The following ITGAE variants were observed in gnomAD, a reference collection of about 807,000 sequenced individuals.
ITGAE encodes the protein integrin alpha-E.
ITGAE carries 99 observed loss-of-function variants against 136.5 expected under a neutral mutation model. The ratio of observed to expected loss-of-function variants is 0.73; its 90% CI spans 0.62 to 0.86. The LOEUF (loss-of-function observed/expected upper bound fraction) is 0.86, where lower values mean the gene tolerates loss of function less well. Among genes scored for constraint, ITGAE ranks in the 40% least tolerant of loss-of-function variants. The probability of loss-of-function intolerance (pLI) is 0.00; values close to 1 mark genes in which losing one functional copy is unlikely to be tolerated. For synonymous variants in ITGAE, 613 were observed against 591.8 expected (o/e 1.04, Z -0.52); for missense variants, 1,447 against 1,515.3 (o/e 0.95, Z 0.75).
At chr17:3,754,201 C>T (rs888170831) in intron 12 of ITGAE, among the ~76,000 whole-genome samples, 1 of 152,206 alleles carries the variant, frequency 6.6e-6, no homozygotes, top group African/African-American at 2.4e-5. Flanking sequence ...ACTACCCACG[C>T]TCCCACACAC....
At chr17:3,738,439 G>T (rs886334907) in intron 20 of ITGAE, among the ~76,000 whole-genome samples, 2 of 152,286 alleles carry the variant, frequency 1.3e-5, no homozygotes, top group Admixed American at 6.5e-5. Context: ...AAAGTGCTGG[G>T]ATTACAGGCA....
chr17:3,745,486 C>A (rs965934669), intron 18 of ITGAE, among the ~76,000 whole-genome samples: 4 of 152,074 alleles, frequency 2.6e-5, no homozygotes, highest in Non-Finnish European at 5.9e-5. Context: ...GGATTACAGG[C>A]ACCCGCCATC....
chr17:3,765,815 G>A (rs187837845), intron 2 of ITGAE, among the ~76,000 whole-genome samples: 23 of 152,212 alleles, frequency 1.5e-4, no homozygotes, highest in African/African-American at 5.5e-4. Context: ...AGGATCTGGG[G>A]GCTGGGTCAC....
chr17:3,722,167 TGAAAGAAAG>T (rs574133928), intron 28 of ITGAE, among the ~76,000 whole-genome samples: 38 of 131,398 alleles, frequency 2.9e-4, no homozygotes, highest in African/African-American at 9.7e-4. Flanking sequence ...AACTCCGTCT[TGAAAGAAAG>T]AAAAGAAAAG....
At chr17:3,772,031 T>C (rs1165514764) in intron 2 of ITGAE, among the ~76,000 whole-genome samples, 1 of 152,206 alleles carries the variant, frequency 6.6e-6, no homozygotes, top group African/African-American at 2.4e-5. Context: ...CCCAGCTTAC[T>C]TTTCATCACT....
In ITGAE at chr17:3,800,970, T is replaced by C. The variant is rs2053244701; in HGVS notation, c.34+141A>G. 8.2e-6 allele frequency: 8 copies of C among 978,540 alleles called. No homozygotes were observed. In the South Asian group the frequency reaches 1.2e-4, roughly 14 times the overall value. The allele number at this position is 978,540 out of a possible 1,614,324, so 60.6% of individuals were successfully genotyped here. ...CCCTGACCCACCGAGCAAGACTCCT[T>C]TCCTGGAGGAGCTGCCACTCTCTAA... On this transcript the variant is annotated intron_variant, in intron 1 of 30. Coordinates refer to ENST00000263087, the MANE Select transcript of ITGAE (RefSeq NM_002208.5).
chr17:3,761,865 G>C lies in ITGAE; in HGVS notation c.315+50C>G, dbSNP rs960412788. On this transcript the variant is annotated intron_variant, in intron 4 of 30. Transcript: ENST00000263087. ...CTCAACACCAGGGTCAACCACGAGGGCTAGCACCAGCCTCCCTAAGGCCCT... is the reference window on the plus strand; with the variant it reads ...CTCAACACCAGGGTCAACCACGAGGCCTAGCACCAGCCTCCCTAAGGCCCT... 82 of 1,511,150 alleles carry C rather than the reference G, an allele frequency of 5.4e-5. No individual in the cohort carries two copies. In the East Asian group the frequency reaches 1.8e-3, roughly 33 times the overall value. 93.6% of individuals were successfully genotyped at this position (1,511,150 alleles called of 1,614,324 possible).
intron 20 of ITGAE, chr17:3,738,889 G>C (rs539830687): frequency 6.6e-6 from 1 of 152,290 alleles, no homozygotes; most frequent in Non-Finnish European, 1.5e-5. Context: ...AGCAAGTGCC[G>C]CTTCTCTTCT....
At chr17:3,726,920 G>C (rs1233836258) in intron 26 of ITGAE, among the ~76,000 whole-genome samples, 3 of 151,712 alleles carry the variant, frequency 2.0e-5, no homozygotes, top group Non-Finnish European at 4.4e-5. Flanking sequence ...GTAGAGATGG[G>C]GGTTTCACCA....
chr17:3,737,072 C>G (rs1005525764), intron 20 of ITGAE, among the ~76,000 whole-genome samples: 2 of 152,032 alleles, frequency 1.3e-5, no homozygotes, highest in African/African-American at 4.8e-5. Context: ...GCAGGTGGAT[C>G]ACTTGAGGCC....
At chr17:3,732,268 G>T (rs577394777) in intron 22 of ITGAE, 100 bp downstream of exon 22, 2 of 919,054 alleles carry the variant, frequency 2.2e-6, no homozygotes, top group Non-Finnish European at 3.6e-6. Flanking sequence ...GCAGTCAAGC[G>T]AAGCGCAAAG....
intron 16 of ITGAE, among the ~76,000 whole-genome samples, 183 bp from the exon 17 acceptor site, chr17:3,748,235 A>G (rs1230066756): frequency 6.6e-6 from 1 of 152,246 alleles, no homozygotes; most frequent in Non-Finnish European, 1.5e-5. Flanking sequence ...GCAGACAACA[A>G]GCAAATAAAC....
At chr17:3,726,152 T>C (rs760804383) in intron 26 of ITGAE, 9 of 1,614,108 alleles carry the variant, frequency 5.6e-6, no homozygotes, top group South Asian at 3.3e-5. Flanking sequence ...ATCACCCTTA[T>C]AGTAATGTGC....
intron 3 of ITGAE, among the ~76,000 whole-genome samples, chr17:3,763,036 G>A (rs1384441262): frequency 6.6e-6 from 1 of 152,064 alleles, no homozygotes; most frequent in East Asian, 1.9e-4. Flanking sequence ...GGGATTGTAG[G>A]CATGCACCAC....
intron 2 of ITGAE, among the ~76,000 whole-genome samples, chr17:3,768,437 C>T (rs1388389027): frequency 6.6e-6 from 1 of 152,200 alleles, no homozygotes; most frequent in Non-Finnish European, 1.5e-5. Flanking sequence ...GCATGAGCCA[C>T]AGCACCTGGC....
chr17:3,798,495 G>A lies in ITGAE; in HGVS notation c.34+2616C>T, dbSNP rs2053175984. The stretch of plus-strand genomic sequence containing the variant: ...TCCCCCCTGCACAGAAGGCCCCTCT[G>A]CTCACCCCCAGCCTGTACTTGCCAA... On this transcript the variant is annotated intron_variant, in intron 1 of 30. Coordinates refer to ENST00000263087, the MANE Select transcript of ITGAE (RefSeq NM_002208.5). This position sits in a 1 kb window ranked among gnomAD's most constrained non-coding sequence, Gnocchi z 4.3. Among the ~76,000 whole-genome samples, 1 of 152,034 alleles carries A rather than the reference G, an allele frequency of 6.6e-6. No homozygotes were observed. The highest frequency in any genetic ancestry group is 2.1e-4 in the South Asian group (1 of 4,814).
intron 20 of ITGAE, among the ~76,000 whole-genome samples, chr17:3,737,459 T>G (rs992341740): frequency 3.5e-5 from 5 of 144,398 alleles, no homozygotes; most frequent in African/African-American, 1.2e-4. Context: ...GGCTGAGTGG[T>G]GCCGGTGGCT....
intron 29 of ITGAE, 49 bp from the exon 30 acceptor site, chr17:3,716,847 GA>G: frequency 2.0e-6 from 2 of 1,011,526 alleles, no homozygotes; most frequent in East Asian, 2.4e-5. Context: ...AGCAAACAAG[GA>G]AAAAATCCTA....
intron 1 of ITGAE, among the ~76,000 whole-genome samples, chr17:3,778,214 A>T (rs2052588259): frequency 6.6e-6 from 1 of 152,196 alleles, no homozygotes; most frequent in South Asian, 2.1e-4. Context: ...GTAGAATCCT[A>T]CTCAGGAGTA....
Sources: allele counts gnomAD v4.1 joint callset (sites outside exome capture counted in the v4.1 genomes callset), GRCh38; gene constraint gnomAD v4.1.1; non-coding constraint Gnocchi (gnomAD v3.1); transcripts MANE v1.5; gene names NCBI Gene and HGNC (gene_info 2026-07-23, HGNC 2026-07-21).